The following LIG3 variants were observed in gnomAD, a reference collection of about 807,000 sequenced individuals.
LIG3 encodes ligase II, DNA, ATP-dependent.
In LIG3, 58 loss-of-function variants were observed where a neutral mutation model predicts 110.9. That is an observed-to-expected ratio of 0.52 (90% CI 0.42 to 0.65). LIG3 has a LOEUF of 0.65. Ranked by LOEUF, LIG3 falls within the 30% of genes least tolerant of loss-of-function variation. The probability of loss-of-function intolerance (pLI) is 0.00; values close to 1 mark genes in which losing one functional copy is unlikely to be tolerated. For missense variants in LIG3, 1,094 were observed against 1,273.8 expected (o/e 0.86, Z 2.15); for synonymous variants, 422 against 472.8 (o/e 0.89, Z 1.39).
chr17:34,991,608 T>G (rs1217537460), intron 5 of LIG3, 63 bp from the exon 6 acceptor site: 4 of 1,537,614 alleles, frequency 2.6e-6, no homozygotes, highest in African/African-American at 1.4e-5. Context: ...CAGTCCTGGG[T>G]CTTGGGGGAT....
At chr17:34,992,822 G>A in intron 8 of LIG3, 130 bp downstream of exon 8, 1 of 903,378 alleles carries the variant, frequency 1.1e-6, no homozygotes, top group Non-Finnish European at 1.6e-6. Context: ...AAGGAAGAGG[G>A]AGGTGCAAGG....
In LIG3 at chr17:34,986,131, G is replaced by C; in HGVS notation, c.691G>C (p.Ala231Pro). Reference sequence around the variant, plus strand: ...TCCCCGGAAATTTTCTGGCTTTTCAGGTAAGATAGGTTAGGGCTACTTTAG... The same window carrying C: ...TCCCCGGAAATTTTCTGGCTTTTCACGTAAGATAGGTTAGGGCTACTTTAG... ...TNPRKFSGFS[A>P]KPNNSGEAPS... Residue 231 changes from alanine to proline, a missense_variant and splice_region_variant, in exon 3 of 20, where the codon GCC becomes CCC. Physicochemically the swap from Ala to Pro is conservative, Grantham distance 27. Transcript: ENST00000378526. 1 of 1,613,892 alleles carries C rather than the reference G, an allele frequency of 6.2e-7. No homozygotes were observed. The highest frequency in any genetic ancestry group is 1.7e-4 in the Middle Eastern group (1 of 6,060).
chr17:34,985,763 G>C (rs2090648206), intron 2 of LIG3, among the ~76,000 whole-genome samples: 1 of 152,096 alleles, frequency 6.6e-6, no homozygotes, highest in Non-Finnish European at 1.5e-5. Flanking sequence ...AGAGATAAAT[G>C]GTAACTGGAT....
At chr17:35,010,329 C>G (rs537719456), downstream of LIG3, 1 of 152,220 alleles carries the variant, frequency 6.6e-6, no homozygotes, top group African/African-American at 2.4e-5. Flanking sequence ...CTTTCCTGAT[C>G]ATGTGTTTTG....
intron 6 of LIG3, 51 bp downstream of exon 6, chr17:34,991,888 T>A: frequency 6.2e-7 from 1 of 1,613,272 alleles, no homozygotes; most frequent in Non-Finnish European, 8.5e-7. Flanking sequence ...TGAACTCTCT[T>A]GGGAAGGGAA....
At position 35,004,444 on chromosome 17, in the gene LIG3, CA is replaced by C; in HGVS notation, c.2969del (p.Gln990ArgfsTer17). The C allele has an allele frequency of 1.2e-6, 2 of 1,614,202 alleles. No individual in the cohort carries two copies. Among genetic ancestry groups the C allele is most frequent in the Non-Finnish European group, 1.7e-6 (2 of 1,180,032 alleles). The stretch of plus-strand genomic sequence containing the variant: ...CAGGGACAAGAACCCTGCGGCCCAG[CA>C]GGTCTCCCCAGAGTGGATTTGGGCA... The part of the protein sequence containing the change: ...GSRDKNPAAQ[Q>X]VSPEWIWACI... On this transcript the variant is annotated frameshift_variant, in exon 20 of 20. Coordinates refer to ENST00000378526, the MANE Select transcript of LIG3 (RefSeq NM_013975.4). LOFTEE classifies it high-confidence loss of function.
intron 9 of LIG3, 136 bp from the exon 10 acceptor site, chr17:34,995,928 A>C (rs1597798288): frequency 9.2e-7 from 1 of 1,084,520 alleles, no homozygotes; most frequent in Admixed American, 2.4e-5. Flanking sequence ...AGGCCTAGCT[A>C]TATGTTTTGC....
At chr17:34,991,447 C>T in intron 5 of LIG3, 1 of 586,288 alleles carries the variant, frequency 1.7e-6, no homozygotes, top group South Asian at 2.3e-5. Context: ...TTGGCTTTAC[C>T]AAGCTTTGGT....
rs1231893495 is a variant in LIG3, at chr17:34,983,364, G to T, written c.359G>T (p.Gly120Val). ...EKIVKGVCRI[G>V]KVVPNPFSES... ...ATTGTGAAGGGCGTATGCCGAATTG[G>T]CAAAGTGGTGCCCAATCCCTTCTCA... Residue 120 changes from glycine (G) to valine (V), a missense_variant, in exon 2 of 20, where the codon GGC (glycine) becomes GTC (valine). Gly to Val is a moderately radical substitution (Grantham distance 109). Transcript: ENST00000378526. 1 of 1,614,230 alleles carries T rather than the reference G, an allele frequency of 6.2e-7. No homozygotes were observed. The highest frequency in any genetic ancestry group is 8.5e-7 in the Non-Finnish European group (1 of 1,180,052).
intron 5 of LIG3, 135 bp downstream of exon 5, chr17:34,991,249 C>T: frequency 2.5e-6 from 2 of 797,892 alleles, no homozygotes; most frequent in South Asian, 3.6e-5. Context: ...GAGCAAGCTT[C>T]CGTTATAGGG....
In LIG3 at chr17:34,983,042, C is replaced by G. The variant is rs542831464; in HGVS notation, c.37C>G (p.Leu13Val). 2.5e-6 allele frequency: 4 copies of G among 1,607,378 alleles called. No homozygotes were observed. In the African/African-American group the frequency reaches 5.4e-5, roughly 22 times the overall value. The change falls in exon 2 of 20, where the codon CTC (leucine) becomes GTC (valine). Residue 13 changes from leucine to valine, a missense_variant. Transcript: ENST00000378526. Reference protein sequence around the residue: ...LAFKIFFPQTLRALSRKELCL... With the variant: ...LAFKIFFPQTVRALSRKELCL... The stretch of plus-strand genomic sequence containing the variant: ...TTTCAAGATCTTCTTTCCACAAACC[C>G]TCCGTGCACTCAGCCGAAAAGAACT...
At chr17:35,003,172 G>A (rs1400707266) in intron 19 of LIG3, 2 of 1,522,158 alleles carry the variant, frequency 1.3e-6, no homozygotes, top group Non-Finnish European at 1.8e-6. Context: ...TTTGTGGTCA[G>A]GGTGGAAGCA....
intron 8 of LIG3, 78 bp from the exon 9 acceptor site, chr17:34,994,198 C>G (rs555343517): frequency 7.0e-7 from 1 of 1,421,576 alleles, no homozygotes; most frequent in South Asian, 1.3e-5. Context: ...CTCACTAACC[C>G]AGTTGCAAGG....
In LIG3 at chr17:34,989,581, A is replaced by G. The variant is rs2090695706; in HGVS notation, c.807A>G (p.Leu269=). 2 of 1,613,962 alleles carry G rather than the reference A, an allele frequency of 1.2e-6. No individual in the cohort carries two copies. Among genetic ancestry groups the G allele is most frequent in the Non-Finnish European group, 1.7e-6 (2 of 1,180,042 alleles). Residue 269 remains leucine (L), a synonymous_variant, in exon 4 of 20, where the codon TTA becomes TTG. Transcript: ENST00000378526. ...GTCTGCTACGGGAGTTTCGAAAGTT[A>G]TGCGCCATGGTGGCCGATAATCCTA... ...KDCLLREFRK[L]CAMVADNPSY... is the part of the protein sequence containing the mutation.
In LIG3 at chr17:35,001,139, C is replaced by T. The variant is rs2090836612; in HGVS notation, c.2332-118C>T. On this transcript the variant is annotated intron_variant, in intron 16 of 19. Transcript: ENST00000378526. ...CAGGCTGGTCTCAAACTCCTGACCT[C>T]AAGTAATCTGCCCACCTCAGCCTTC... The T allele has an allele frequency of 3.8e-6, 4 of 1,045,298 alleles. No homozygotes were observed. The East Asian group carries it at 1.0e-4, about 26-fold the overall frequency. The allele number at this position is 1,045,298 out of a possible 1,614,324, so 64.8% of individuals were successfully genotyped here. A position where few individuals can be genotyped will look rare whatever the true frequency, so the allele number is the denominator to read the frequency against.
chr17:35,009,500 A>C lies in LIG3; in HGVS notation c.*4994A>C, dbSNP rs1361767272. On this transcript the variant is annotated 3_prime_UTR_variant, in exon 20 of 20. Coordinates refer to ENST00000378526, the MANE Select transcript of LIG3 (RefSeq NM_013975.4). ...GAAGGGAGGATTCAAAGATTTAAAAAAAATCAAATTTTAGACCTTGGTTAA... is the reference window on the plus strand; with the variant it reads ...GAAGGGAGGATTCAAAGATTTAAAACAAATCAAATTTTAGACCTTGGTTAA... The C allele has an allele frequency of 6.6e-6, 1 of 152,214 alleles. No homozygotes were observed. The highest frequency in any genetic ancestry group is 1.5e-5 in the Non-Finnish European group (1 of 68,040). The allele number at this position is 152,214 out of a possible 1,614,324, so 9.4% of individuals were successfully genotyped here.
chr17:34,988,592 A>G (rs2090684236), intron 3 of LIG3, among the ~76,000 whole-genome samples: 1 of 152,170 alleles, frequency 6.6e-6, no homozygotes, highest in African/African-American at 2.4e-5. Flanking sequence ...GCACATAATT[A>G]TTTTTAAGTG....
intron 1 of LIG3, among the ~76,000 whole-genome samples, chr17:34,982,594 C>T (rs1479806476): frequency 6.6e-6 from 1 of 151,466 alleles, no homozygotes; most frequent in Admixed American, 6.6e-5. Context: ...TTGCGGTGAG[C>T]CAAGATCGCG....
At position 34,994,136 on chromosome 17, in the gene LIG3, C is replaced by T. The variant is rs3135994; in HGVS notation, c.1456-140C>T. ...CCGTTCCCATCACCTCTTCACCAGC[C>T]TTCCCTGAGCGTTAATTGTGGGCAG... is the stretch of plus-strand genomic sequence containing the variant. On this transcript the variant is annotated intron_variant, in intron 8 of 19. Transcript: ENST00000378526. The T allele has an allele frequency of 4.1e-3, 2,780 of 682,068 alleles. 9 individuals are homozygous for T. The highest frequency in any genetic ancestry group is 5.9e-3 in the Non-Finnish European group (2,451 of 414,060). The allele number at this position is 682,068 out of a possible 1,614,324, so 42.3% of individuals were successfully genotyped here.
Sources: allele counts gnomAD v4.1 joint callset (sites outside exome capture counted in the v4.1 genomes callset), GRCh38; gene constraint gnomAD v4.1.1; transcripts MANE v1.5; gene names NCBI Gene and HGNC (gene_info 2026-07-23, HGNC 2026-07-21).